AMER2: variants seen among roughly 807,000 people sequenced by gnomAD.
The protein encoded by AMER2 is family with sequence similarity 123A.
AMER2 carries 1 observed loss-of-function variant against 4.7 expected under a neutral mutation model. That is an observed-to-expected ratio of 0.21 (90% confidence interval 0.07 to 1.00). The LOEUF is 1.00. AMER2 is among the 50% of genes least tolerant of loss of function. The pLI is 0.60. For synonymous variants in AMER2, 485 were observed against 433.3 expected, an observed-to-expected ratio of 1.12 and a Z score of -1.48; for missense variants, 988 against 966.9, an observed-to-expected ratio of 1.02 and a Z score of -0.29.
Position 25,171,126 on chromosome 13 carries a change from G to A in AMER2, c.494C>T (p.Ser165Leu), listed in dbSNP as rs1047783231. ...CGAGCGCCCGTTCTTCTTCAGCAGC[G>A]AGAAGAAGCTGTGCGACTTGGCCAC... The part of the protein sequence containing the change: ...SSVAKSHSFF[S>L]LLKKNGRSEN... The change falls in exon 1 of 1, where the codon TCG becomes TTG. Residue 165 changes from serine to leucine, a missense_variant. Coordinates refer to ENST00000515384, the MANE Select transcript of AMER2 (RefSeq NM_152704.4). The surrounding 1 kb of genome is among the most constrained non-coding windows in gnomAD (Gnocchi z 5.9). 1 of 1,556,544 alleles carries A rather than the reference G, an allele frequency of 6.4e-7. No individual in the cohort carries two copies. Among genetic ancestry groups the A allele is most frequent in the Non-Finnish European group, 8.7e-7 (1 of 1,152,258 alleles).
In AMER2 at chr13:25,161,868, A is replaced by G. The variant is rs1956411254; in HGVS notation, c.*7736T>C. 1 of 152,304 alleles carries G rather than the reference A, an allele frequency of 6.6e-6. No individual in the cohort carries two copies. Among genetic ancestry groups the G allele is most frequent in the South Asian group, 2.1e-4 (1 of 4,832 alleles). The allele number at this position is 152,304 out of a possible 1,614,324, so 9.4% of individuals were successfully genotyped here. On this transcript the variant is annotated 3_prime_UTR_variant, in exon 1 of 1. Transcript: ENST00000515384. ...ACATGCACAATGGTACATATGCACA[A>G]AATGGAATTATATCAACAAATATAC...
Position 25,169,503 on chromosome 13 carries a change from C to T in AMER2, c.*101G>A. 1 of 1,470,762 alleles carries T rather than the reference C, an allele frequency of 6.8e-7. No homozygotes were observed. The highest frequency in any genetic ancestry group is 9.0e-7 in the Non-Finnish European group (1 of 1,111,342). 91.1% of individuals were successfully genotyped at this position (1,470,762 alleles called of 1,614,324 possible). A position where few individuals can be genotyped will look rare whatever the true frequency, so the allele number is the denominator to read the frequency against. On this transcript the variant is annotated 3_prime_UTR_variant, in exon 1 of 1. Transcript: ENST00000515384. The surrounding 1 kb of genome is among the most constrained non-coding windows in gnomAD (Gnocchi z 4.2). ...AGCAGGGCGGGGGACGGGTGGTGTC[C>T]TAAAAGACTTTCTTTAGGAAAAGCA...
At position 25,171,572 on chromosome 13, in the gene AMER2, G is replaced by C. The variant is rs1442127884; in HGVS notation, c.48C>G (p.Arg16=). Residue 16 remains arginine, a synonymous_variant, in exon 1 of 1, where the codon CGC becomes CGG. Coordinates refer to ENST00000515384, the MANE Select transcript of AMER2 (RefSeq NM_152704.4). This position sits in a 1 kb window ranked among gnomAD's most constrained non-coding sequence, Gnocchi z 5.9. ...CCCCCACGGACGCGCCAGCTCCGCC[G>C]CGCTCGCTGACAGCCCCGCCGCCGC... The part of the protein sequence containing the change: ...SRGGGGAVSE[R]GGAGASVGVC... 2 of 1,540,854 alleles carry C rather than the reference G, an allele frequency of 1.3e-6. No individual in the cohort carries two copies. Among genetic ancestry groups the C allele is most frequent in the Admixed American group, 4.0e-5 (2 of 50,162 alleles).
chr13:25,165,649 G>C lies in AMER2; in HGVS notation c.*3955C>G, dbSNP rs905642977. 1.3e-5 allele frequency: 2 copies of C among 152,196 alleles called. No individual in the cohort carries two copies. The highest frequency in any genetic ancestry group is 1.3e-4 in the Admixed American group (2 of 15,278). The allele number at this position is 152,196 out of a possible 1,614,324, so 9.4% of individuals were successfully genotyped here. A position where few individuals can be genotyped will look rare whatever the true frequency, so the allele number is the denominator to read the frequency against. ...CCAGCTTTCCTCAGTGATGAGATGA[G>C]GCAATTGTGATGCTTATTCCTTATG... On this transcript the variant is annotated 3_prime_UTR_variant, in exon 1 of 1. Transcript: ENST00000515384.
In AMER2 at chr13:25,163,617, T is replaced by C. The variant is rs1015781508; in HGVS notation, c.*5987A>G. 6.6e-6 allele frequency: 1 copy of C among 151,556 alleles called. No individual in the cohort carries two copies. Among genetic ancestry groups the C allele is most frequent in the Non-Finnish European group, 1.5e-5 (1 of 67,930 alleles). 9.4% of individuals were successfully genotyped at this position (151,556 alleles called of 1,614,324 possible). ...GACAAATACTGCGCGTTTCCACTTCTATAAGGGATCTAAAATAGCCAGACT... is the reference window on the plus strand; with the variant it reads ...GACAAATACTGCGCGTTTCCACTTCCATAAGGGATCTAAAATAGCCAGACT... On this transcript the variant is annotated 3_prime_UTR_variant, in exon 1 of 1. Coordinates refer to ENST00000515384, the MANE Select transcript of AMER2 (RefSeq NM_152704.4).
At position 25,165,526 on chromosome 13, in the gene AMER2, A is replaced by T. The variant is rs914243537; in HGVS notation, c.*4078T>A. 1 of 152,198 alleles carries T rather than the reference A, an allele frequency of 6.6e-6. No homozygotes were observed. 9.4% of individuals were successfully genotyped at this position (152,198 alleles called of 1,614,324 possible). A position where few individuals can be genotyped will look rare whatever the true frequency, so the allele number is the denominator to read the frequency against. On this transcript the variant is annotated 3_prime_UTR_variant, in exon 1 of 1. Transcript: ENST00000515384. ...TAAGGCTGAGTTTACACAAATTACA[A>T]CTGTTCTTTTCCTTGCTCTGCCTGG...
Position 25,164,768 on chromosome 13 carries a change from T to G in AMER2, c.*4836A>C, listed in dbSNP as rs535729715. On this transcript the variant is annotated 3_prime_UTR_variant, in exon 1 of 1. Coordinates refer to ENST00000515384, the MANE Select transcript of AMER2 (RefSeq NM_152704.4). ...TCAATGAATGTTAACCATTGTTACATTTACTATTTTTTAGAGGCATTTGTG... is the reference window on the plus strand; with the variant it reads ...TCAATGAATGTTAACCATTGTTACAGTTACTATTTTTTAGAGGCATTTGTG... 220 of 152,304 alleles carry G rather than the reference T, an allele frequency of 1.4e-3. No individual in the cohort carries two copies. Among genetic ancestry groups the G allele is most frequent in the African/African-American group, 5.1e-3 (214 of 41,584 alleles). 9.4% of individuals were successfully genotyped at this position (152,304 alleles called of 1,614,324 possible).
In AMER2 at chr13:25,165,948, C is replaced by G. The variant is rs1173721436; in HGVS notation, c.*3656G>C. ...AGCTGCCTGAGTGGATCTCTTCACA[C>G]CAAGCTAACAGTCAAGAGTTGCCTT... On this transcript the variant is annotated 3_prime_UTR_variant, in exon 1 of 1. Transcript: ENST00000515384. The G allele has an allele frequency of 6.6e-6, 1 of 152,216 alleles. No homozygotes were observed. Among genetic ancestry groups the G allele is most frequent in the Non-Finnish European group, 1.5e-5 (1 of 68,048 alleles). 9.4% of individuals were successfully genotyped at this position (152,216 alleles called of 1,614,324 possible).
In AMER2 at chr13:25,163,987, C is replaced by T. The variant is rs990097518; in HGVS notation, c.*5617G>A. 2 of 151,454 alleles carry T rather than the reference C, an allele frequency of 1.3e-5. No homozygotes were observed. The highest frequency in any genetic ancestry group is 2.9e-5 in the Non-Finnish European group (2 of 68,098). The allele number at this position is 151,454 out of a possible 1,614,324, so 9.4% of individuals were successfully genotyped here. Reference sequence around the variant, plus strand: ...GGGCATGGTGGTGCACGCCTGTAGTCTCAGCTACTTGGGAGGCTGAGGCAG... The same window carrying T: ...GGGCATGGTGGTGCACGCCTGTAGTTTCAGCTACTTGGGAGGCTGAGGCAG... On this transcript the variant is annotated 3_prime_UTR_variant, in exon 1 of 1. Transcript: ENST00000515384.
rs767114243 is a variant in AMER2 at position 25,169,958 on chromosome 13, C to G, written c.1662G>C (p.Ala554=). ...CCGGGTCAGCATAGAGATCATAGAGCGCGTCCCCGCTGTAGCTATCCCGGG... is the reference window on the plus strand; with the variant it reads ...CCGGGTCAGCATAGAGATCATAGAGGGCGTCCCCGCTGTAGCTATCCCGGG... ...GIPRDSYSGD[A]LYDLYADPDG... Residue 554 remains alanine, a synonymous_variant, in exon 1 of 1, where the codon GCG becomes GCC. Transcript: ENST00000515384. The surrounding 1 kb of genome is among the most constrained non-coding windows in gnomAD (Gnocchi z 4.2). 13 of 1,613,996 alleles carry G rather than the reference C, an allele frequency of 8.1e-6. No individual in the cohort carries two copies. Among genetic ancestry groups the G allele is most frequent in the South Asian group, 1.1e-5 (1 of 91,084 alleles).
Position 25,170,234 on chromosome 13 carries a change from A to G in AMER2, c.1386T>C (p.Ala462=), listed in dbSNP as rs1372220289. 1 of 1,612,508 alleles carries G rather than the reference A, an allele frequency of 6.2e-7. No homozygotes were observed. Among genetic ancestry groups the G allele is most frequent in the East Asian group, 2.2e-5 (1 of 44,788 alleles). Residue 462 remains alanine, a synonymous_variant, in exon 1 of 1, where the codon GCT becomes GCC. Coordinates refer to ENST00000515384, the MANE Select transcript of AMER2 (RefSeq NM_152704.4). This position sits in a 1 kb window ranked among gnomAD's most constrained non-coding sequence, Gnocchi z 7.3. ...EPQEGAAKVA[A]ALETKVVPET... ...CGGGCACCACCTTGGTTTCCAGCGC[A>G]GCTGCCACCTTAGCCGCGCCCTCCT...
At position 25,165,276 on chromosome 13, in the gene AMER2, C is replaced by G. The variant is rs1956463158; in HGVS notation, c.*4328G>C. On this transcript the variant is annotated 3_prime_UTR_variant, in exon 1 of 1. Transcript: ENST00000515384. Reference sequence around the variant, plus strand: ...TTTGAGAAGCAATGCATGACAGCCACCGGGAAATCTTCAGAGCAAGATGAG... The same window carrying G: ...TTTGAGAAGCAATGCATGACAGCCAGCGGGAAATCTTCAGAGCAAGATGAG... The G allele has an allele frequency of 6.6e-6, 1 of 152,290 alleles. No individual in the cohort carries two copies. Among genetic ancestry groups the G allele is most frequent in the South Asian group, 2.1e-4 (1 of 4,834 alleles). The allele number at this position is 152,290 out of a possible 1,614,324, so 9.4% of individuals were successfully genotyped here.
rs1956494556 is a variant in AMER2, at chr13:25,167,540, G to A, written c.*2064C>T. 6.6e-6 allele frequency: 1 copy of A among 152,194 alleles called. No homozygotes were observed. The allele number at this position is 152,194 out of a possible 1,614,324, so 9.4% of individuals were successfully genotyped here. A position where few individuals can be genotyped will look rare whatever the true frequency, so the allele number is the denominator to read the frequency against. ...GTTGAGTGCATGAGCACGTGAGTGT[G>A]AGATGCTTATATGAATTCTTGGTAG... On this transcript the variant is annotated 3_prime_UTR_variant, in exon 1 of 1. Coordinates refer to ENST00000515384, the MANE Select transcript of AMER2 (RefSeq NM_152704.4).
rs1301816946 is a variant in AMER2 at position 25,163,558 on chromosome 13, C to T, written c.*6046G>A. The T allele has an allele frequency of 2.0e-5, 3 of 151,392 alleles. No homozygotes were observed. The highest frequency in any genetic ancestry group is 4.4e-5 in the Non-Finnish European group (3 of 67,900). 9.4% of individuals were successfully genotyped at this position (151,392 alleles called of 1,614,324 possible). On this transcript the variant is annotated 3_prime_UTR_variant, in exon 1 of 1. Coordinates refer to ENST00000515384, the MANE Select transcript of AMER2 (RefSeq NM_152704.4). Reference sequence around the variant, plus strand: ...CAACAACATGGCTAAACTTGGGGGTCGTTATGCTCAATGAAATAAGCCAGT... The same window carrying T: ...CAACAACATGGCTAAACTTGGGGGTTGTTATGCTCAATGAAATAAGCCAGT...
In AMER2 at chr13:25,171,630, C is replaced by A; in HGVS notation, c.-11G>T. On this transcript the variant is annotated 5_prime_UTR_variant, in exon 1 of 1. Coordinates refer to ENST00000515384, the MANE Select transcript of AMER2 (RefSeq NM_152704.4). The surrounding 1 kb of genome is among the most constrained non-coding windows in gnomAD (Gnocchi z 5.9). ...CCGGCTCGTCTCCATGGAAACCGCG[C>A]GGGATAAGCCGCTTTCGTCAGCAGT... The A allele has an allele frequency of 2.0e-6, 3 of 1,463,706 alleles. No individual in the cohort carries two copies. The highest frequency in any genetic ancestry group is 2.7e-6 in the Non-Finnish European group (3 of 1,120,428). 90.7% of individuals were successfully genotyped at this position (1,463,706 alleles called of 1,614,324 possible). A position where few individuals can be genotyped will look rare whatever the true frequency, so the allele number is the denominator to read the frequency against.
At position 25,171,590 on chromosome 13, in the gene AMER2, G is replaced by A; in HGVS notation, c.30C>T (p.Gly10=). 2.0e-6 allele frequency: 3 copies of A among 1,485,970 alleles called. No individual in the cohort carries two copies. The highest frequency in any genetic ancestry group is 2.7e-6 in the Non-Finnish European group (3 of 1,130,676). 92.0% of individuals were successfully genotyped at this position (1,485,970 alleles called of 1,614,324 possible). A position where few individuals can be genotyped will look rare whatever the true frequency, so the allele number is the denominator to read the frequency against. Residue 10 remains glycine, a synonymous_variant, in exon 1 of 1, where the codon GGC becomes GGT. Coordinates refer to ENST00000515384, the MANE Select transcript of AMER2 (RefSeq NM_152704.4). This position sits in a 1 kb window ranked among gnomAD's most constrained non-coding sequence, Gnocchi z 5.9. The part of the protein sequence containing the change: METSRSRGG[G]GAVSERGGAG... ...CTCCGCCGCGCTCGCTGACAGCCCC[G>A]CCGCCGCCGCGGCTCCGGCTCGTCT...
Position 25,170,490 on chromosome 13 carries a change from G to A in AMER2, c.1130C>T (p.Ser377Phe). Reference sequence around the variant, plus strand: ...AATAATATCTCCACAGCCTGTAAGAGAGTCAAAGCTTTTCAGTGAAGTCAC... The same window carrying A: ...AATAATATCTCCACAGCCTGTAAGAAAGTCAAAGCTTTTCAGTGAAGTCAC... Reference protein sequence around the residue: ...SDVTSLKSFDSLTGCGDIIAD... With the variant: ...SDVTSLKSFDFLTGCGDIIAD... The change falls in exon 1 of 1, where the codon TCT becomes TTT. Residue 377 changes from serine to phenylalanine, a missense_variant. Ser to Phe is a radical substitution (Grantham distance 155). Coordinates refer to ENST00000515384, the MANE Select transcript of AMER2 (RefSeq NM_152704.4). This position sits in a 1 kb window ranked among gnomAD's most constrained non-coding sequence, Gnocchi z 7.3. 2 of 1,614,204 alleles carry A rather than the reference G, an allele frequency of 1.2e-6. No individual in the cohort carries two copies. Among genetic ancestry groups the A allele is most frequent in the South Asian group, 1.1e-5 (1 of 91,082 alleles).
rs1184436435 is a variant in AMER2, at chr13:25,168,553, T to G, written c.*1051A>C. ...TTTTTTTTGAGAACCAGAGAACCCATATAAAACAAAATCAGAATCGCTTCC... is the reference window on the plus strand; with the variant it reads ...TTTTTTTTGAGAACCAGAGAACCCAGATAAAACAAAATCAGAATCGCTTCC... On this transcript the variant is annotated 3_prime_UTR_variant, in exon 1 of 1. Transcript: ENST00000515384. 1 of 150,612 alleles carries G rather than the reference T, an allele frequency of 6.6e-6. No individual in the cohort carries two copies. The highest frequency in any genetic ancestry group is 6.6e-5 in the Admixed American group (1 of 15,090). The allele number at this position is 150,612 out of a possible 1,614,324, so 9.3% of individuals were successfully genotyped here.
Position 25,169,864 on chromosome 13 carries a change from G to A in AMER2, c.1756C>T (p.Pro586Ser), listed in dbSNP as rs1268919800. Residue 586 changes from proline to serine, a missense_variant, in exon 1 of 1, where the codon CCC becomes TCC. By Grantham distance (74) the Pro-to-Ser change is moderately conservative (BLOSUM62 -1). Coordinates refer to ENST00000515384, the MANE Select transcript of AMER2 (RefSeq NM_152704.4). This position sits in a 1 kb window ranked among gnomAD's most constrained non-coding sequence, Gnocchi z 4.2. ...CAGGTGATGGTGCCTGGAGATACGGGCTTTAACCGGGACAGGGAGGACGTC... is the reference window on the plus strand; with the variant it reads ...CAGGTGATGGTGCCTGGAGATACGGACTTTAACCGGGACAGGGAGGACGTC... ...EETSSLSRLK[P>S]VSPGTITCPL... 3 of 1,614,138 alleles carry A rather than the reference G, an allele frequency of 1.9e-6. No individual in the cohort carries two copies. The highest frequency in any genetic ancestry group is 1.7e-6 in the Non-Finnish European group (2 of 1,180,020).
Sources: gnomAD v4.1 joint callset for allele counts on GRCh38, gnomAD v4.1.1 for gene constraint, Gnocchi (gnomAD v3.1) non-coding constraint, MANE v1.5 for transcripts, NCBI Gene and HGNC (gene_info 2026-07-23, HGNC 2026-07-21) for gene names.